PRKCE: variants seen among roughly 807,000 people sequenced by gnomAD.
The protein encoded by PRKCE is protein kinase C epsilon type.
Under a neutral mutation model 85.4 loss-of-function variants are expected in PRKCE, and 16 were observed. The ratio of observed to expected loss-of-function variants is 0.19; its 90% CI spans 0.13 to 0.28. The LOEUF is 0.28. Among genes scored for constraint, PRKCE ranks in the 10% least tolerant of loss-of-function variants. The pLI, the probability that PRKCE is intolerant of heterozygous loss-of-function variation, is 1.00. For missense variants in PRKCE, 573 were observed against 975.2 expected (o/e 0.59, Z 5.49); for synonymous variants, 388 against 371.5 (o/e 1.04, Z -0.51).
At chr2:46,113,962 A>T (rs1044675532) in intron 11 of PRKCE, among the ~76,000 whole-genome samples, 1 of 152,022 alleles carries the variant, frequency 6.6e-6, no homozygotes, top group Non-Finnish European at 1.5e-5. Flanking sequence ...CTAGTTATTC[A>T]TCTTCCTTTG....
intron 10 of PRKCE, among the ~76,000 whole-genome samples, chr2:46,070,682 T>C (rs1306495417): frequency 1.3e-5 from 2 of 152,112 alleles, no homozygotes; most frequent in African/African-American, 4.8e-5. Flanking sequence ...GGCATTTTAT[T>C]GACAGCTCTA....
intron 1 of PRKCE, among the ~76,000 whole-genome samples, chr2:45,789,774 T>G (rs1399513557): frequency 6.6e-6 from 1 of 152,234 alleles, no homozygotes; most frequent in Admixed American, 6.5e-5. Context: ...GAATCACAAC[T>G]TTAAGATATT....
chr2:46,129,874 G>A (rs1008098681), intron 11 of PRKCE, among the ~76,000 whole-genome samples: 1 of 152,234 alleles, frequency 6.6e-6, no homozygotes, highest in African/African-American at 2.4e-5. Flanking sequence ...CTTATGCCCT[G>A]CAGTGATTTT....
chr2:45,865,235 AC>A (rs1290260240), intron 2 of PRKCE, among the ~76,000 whole-genome samples: 1 of 152,182 alleles, frequency 6.6e-6, no homozygotes, highest in East Asian at 1.9e-4. Context: ...GTGATTCTCA[AC>A]CCTCTTTAAT....
intron 2 of PRKCE, among the ~76,000 whole-genome samples, chr2:45,927,297 C>A (rs560047019): frequency 6.6e-6 from 1 of 152,096 alleles, no homozygotes; most frequent in African/African-American, 2.4e-5. Flanking sequence ...GGTATTGGAA[C>A]CTAGAGAAGG....
chr2:45,967,361 A>G (rs531263108), intron 2 of PRKCE, among the ~76,000 whole-genome samples: 3 of 152,088 alleles, frequency 2.0e-5, no homozygotes, highest in East Asian at 3.8e-4. Context: ...TCCTTACACT[A>G]TCAATTTTGG....
At chr2:45,963,212 A>G (rs1387749458) in intron 2 of PRKCE, among the ~76,000 whole-genome samples, 3 of 152,166 alleles carry the variant, frequency 2.0e-5, no homozygotes, top group African/African-American at 7.2e-5. Flanking sequence ...AGATTGTGTT[A>G]TGTAAAATGA....
chr2:46,173,867 C>G (rs1679161432), intron 14 of PRKCE, among the ~76,000 whole-genome samples: 1 of 152,162 alleles, frequency 6.6e-6, no homozygotes, highest in African/African-American at 2.4e-5. Context: ...TAGCTAATAC[C>G]TGAAGTAGAG....
intron 14 of PRKCE, among the ~76,000 whole-genome samples, chr2:46,171,410 AC>A (rs1399668901): frequency 2.6e-5 from 4 of 152,230 alleles, no homozygotes; most frequent in Non-Finnish European, 5.9e-5. Context: ...ACACAGCAAC[AC>A]CGCTATTGAC....
intron 1 of PRKCE, among the ~76,000 whole-genome samples, chr2:45,716,386 G>C (rs60251943): frequency 0.031 from 4,754 of 152,052 alleles, 187 homozygotes; most frequent in East Asian, 0.15. Flanking sequence ...GCGTGGTGTC[G>C]CATGCTTGTA....
intron 11 of PRKCE, among the ~76,000 whole-genome samples, chr2:46,124,375 A>G (rs924595212): frequency 2.6e-5 from 4 of 152,164 alleles, no homozygotes; most frequent in Non-Finnish European, 5.9e-5. Flanking sequence ...CACTATTCCT[A>G]TTTCTAATTT....
Position 46,021,478 on chromosome 2 carries a change from G to T in PRKCE, c.1437+10961G>T, listed in dbSNP as rs202112690. ...AACTTCTGCAGGAAGCACTGACGTG[G>T]CCATTCGCTTTCCCCTTTGCATCTG... On this transcript the variant is annotated intron_variant, in intron 10 of 14. Transcript: ENST00000306156. 8.5e-5 allele frequency among the ~76,000 whole-genome samples: 13 copies of T among 152,294 alleles called. No individual in the cohort carries two copies. In the East Asian group the frequency reaches 2.1e-3, roughly 25 times the overall value.
At chr2:45,985,580 C>T (rs1703252381) in intron 6 of PRKCE, among the ~76,000 whole-genome samples, 1 of 151,900 alleles carries the variant, frequency 6.6e-6, no homozygotes, top group South Asian at 2.1e-4. Context: ...GAAAATAAAC[C>T]TAGGACATAA....
At chr2:45,843,298 A>T (rs1210046399) in intron 2 of PRKCE, among the ~76,000 whole-genome samples, 1 of 152,266 alleles carries the variant, frequency 6.6e-6, no homozygotes, top group Non-Finnish European at 1.5e-5. Flanking sequence ...AGGCCAATAA[A>T]ACGGGCGTTT....
intron 1 of PRKCE, among the ~76,000 whole-genome samples, chr2:45,653,370 G>GTTGTTTTTTTTTTTTT (rs1675220861): frequency 1.6e-5 from 1 of 61,464 alleles, no homozygotes; most frequent in Admixed American, 2.5e-4. Flanking sequence ...TTTTTGGGTT[G>GTTGTTTTTTTTTTTTT]TTTTTTTTTT....
chr2:46,069,022 AAAAACT>A (rs1667854004), intron 10 of PRKCE, among the ~76,000 whole-genome samples: 1 of 152,214 alleles, frequency 6.6e-6, no homozygotes, highest in Non-Finnish European at 1.5e-5. Context: ...ATTATGCTAT[AAAAACT>A]GTCCAGTTGA....
At chr2:46,024,762 C>T (rs1249454135) in intron 10 of PRKCE, among the ~76,000 whole-genome samples, 2 of 152,094 alleles carry the variant, frequency 1.3e-5, no homozygotes, top group African/African-American at 2.4e-5. Context: ...CCAACCTATC[C>T]CCATGTGTTT....
chr2:46,179,598 A>G (rs1392328563), intron 14 of PRKCE, among the ~76,000 whole-genome samples: 1 of 152,232 alleles, frequency 6.6e-6, no homozygotes, highest in Admixed American at 6.5e-5. Context: ...AACATCAGCC[A>G]CAGGGGTCAG....
chr2:46,068,552 ACTCT>A lies in PRKCE; in HGVS notation c.1438-17651_1438-17648del, dbSNP rs1196400422. On this transcript the variant is annotated intron_variant, in intron 10 of 14. Transcript: ENST00000306156. This position sits in a 1 kb window ranked among gnomAD's most constrained non-coding sequence, Gnocchi z 4.3. ...AGAAAAATAATACCAACTTTAAAAAACTCTCTCTGATGTAACAATATAAGGCAAT... is the reference window on the plus strand; with the variant it reads ...AGAAAAATAATACCAACTTTAAAAAACTCTGATGTAACAATATAAGGCAAT... Among the ~76,000 whole-genome samples the A allele has an allele frequency of 1.3e-5, 2 of 152,126 alleles. No individual in the cohort carries two copies. Among genetic ancestry groups the A allele is most frequent in the Admixed American group, 6.6e-5 (1 of 15,262 alleles).
Sources: gnomAD v4.1 joint callset for allele counts (sites outside exome capture counted in the v4.1 genomes callset) on GRCh38, gnomAD v4.1.1 for gene constraint, Gnocchi (gnomAD v3.1) non-coding constraint, MANE v1.5 for transcripts, NCBI Gene and HGNC (gene_info 2026-07-23, HGNC 2026-07-21) for gene names.